The following CDH13 variants were observed in gnomAD, a reference collection of about 807,000 sequenced individuals.
CDH13 encodes the protein cadherin 13, also known as cadherin-13.
CDH13 carries 24 observed loss-of-function variants against 63.8 expected under a neutral mutation model. That is an observed-to-expected ratio of 0.38 (90% CI 0.27 to 0.53). The LOEUF (loss-of-function observed/expected upper bound fraction) is 0.53. Ranked by LOEUF, CDH13 falls within the 20% of genes least tolerant of loss-of-function variation. The pLI is 0.85. For missense variants in CDH13, 1,049 were observed against 903.1 expected, an observed-to-expected ratio of 1.16 and a Z score of -2.07; for synonymous variants, 503 against 355.3, an observed-to-expected ratio of 1.42 and a Z score of -4.67.
chr16:82,981,149 C>G (rs1910207741), intron 2 of CDH13, among the ~76,000 whole-genome samples: 1 of 152,196 alleles, frequency 6.6e-6, no homozygotes, highest in South Asian at 2.1e-4. Context: ...TATGAACTTT[C>G]ACTTAGTGAT....
intron 4 of CDH13, among the ~76,000 whole-genome samples, chr16:83,133,291 A>C (rs1365944700): frequency 6.6e-6 from 1 of 152,246 alleles, no homozygotes; most frequent in East Asian, 1.9e-4. Context: ...TTGGATTTCA[A>C]AAGCTTATCA....
chr16:83,676,897 C>T (rs1443557606), intron 9 of CDH13, among the ~76,000 whole-genome samples: 1 of 152,240 alleles, frequency 6.6e-6, no homozygotes, highest in Admixed American at 6.5e-5. Context: ...CAGCTCTTTC[C>T]CCAGCATCAA....
chr16:82,803,121 T>C (rs2036952083), intron 1 of CDH13, among the ~76,000 whole-genome samples: 1 of 152,236 alleles, frequency 6.6e-6, no homozygotes, highest in Admixed American at 6.5e-5. Flanking sequence ...TTAAAGTATT[T>C]GCTTTTAAGT....
intron 7 of CDH13, among the ~76,000 whole-genome samples, chr16:83,502,568 A>G (rs2074306402): frequency 6.6e-6 from 1 of 152,114 alleles, no homozygotes; most frequent in South Asian, 2.1e-4. Flanking sequence ...AATGGATGTA[A>G]CCTTTTTTAT....
intron 2 of CDH13, among the ~76,000 whole-genome samples, chr16:82,894,022 C>G (rs993859790): frequency 6.6e-6 from 1 of 152,148 alleles, no homozygotes; most frequent in Non-Finnish European, 1.5e-5. Context: ...TATTTTTTTA[C>G]TTCCTTAACA....
intron 3 of CDH13, among the ~76,000 whole-genome samples, chr16:83,108,197 C>T (rs1323131073): frequency 4.6e-5 from 7 of 152,118 alleles, no homozygotes; most frequent in Admixed American, 4.6e-4. Flanking sequence ...GAAGTATCCG[C>T]ATGATGCATC....
chr16:83,600,597 C>A (rs1192364412), intron 7 of CDH13, among the ~76,000 whole-genome samples: 1 of 152,120 alleles, frequency 6.6e-6, no homozygotes, highest in African/African-American at 2.4e-5. Flanking sequence ...TCCTTGCTTC[C>A]TGTGGTATTT....
At chr16:83,261,414 G>A (rs1906975660) in intron 5 of CDH13, among the ~76,000 whole-genome samples, 1 of 152,150 alleles carries the variant, frequency 6.6e-6, no homozygotes, top group South Asian at 2.1e-4. Flanking sequence ...AGCTGGGTTG[G>A]GGGGTTGGGG....
Position 82,704,103 on chromosome 16 carries a change from C to T in CDH13, c.45+76966C>T, listed in dbSNP as rs117075717. Among the ~76,000 whole-genome samples, 100 of 152,072 alleles carry T rather than the reference C, an allele frequency of 6.6e-4. 1 individual carries two copies. The highest frequency in any genetic ancestry group is 2.2e-3 in the African/African-American group (92 of 41,496). ...CCTTTGAAAAAGGCAGGTGGCGTGG[C>T]TTGAATGTTTCTAAACTCTAAAACT... On this transcript the variant is annotated intron_variant, in intron 1 of 13. Transcript: ENST00000567109.
At chr16:83,670,676 T>G in intron 8 of CDH13, 114 bp from the exon 9 acceptor site, 2 of 938,066 alleles carry the variant, frequency 2.1e-6, no homozygotes, top group Non-Finnish European at 3.3e-6. Context: ...AATCCTCTTA[T>G]GTTATTATTT....
At chr16:82,857,525 C>T (rs1159830665) in intron 1 of CDH13, among the ~76,000 whole-genome samples, 1 of 152,144 alleles carries the variant, frequency 6.6e-6, no homozygotes, top group Non-Finnish European at 1.5e-5. Context: ...AGGAGAGAAT[C>T]GTATACATCT....
chr16:83,283,529 T>C (rs2151858581), intron 5 of CDH13, among the ~76,000 whole-genome samples: 1 of 152,296 alleles, frequency 6.6e-6, no homozygotes, highest in South Asian at 2.1e-4. Context: ...AGGTGGAGTT[T>C]GCAGTGAGCC....
At chr16:83,392,065 G>A (rs188519567) in intron 6 of CDH13, among the ~76,000 whole-genome samples, 2 of 152,188 alleles carry the variant, frequency 1.3e-5, no homozygotes, top group Admixed American at 6.5e-5. Flanking sequence ...TAACACCCCC[G>A]ATTATTGTGA....
Position 83,795,715 on chromosome 16 carries a change from C to G in CDH13, c.*685C>G, listed in dbSNP as rs1001704296. Reference sequence around the variant, plus strand: ...GACTACAACCAATTTACACTGCCATCTGATGCCGTGATCCTGAGCCAAGGA... The same window carrying G: ...GACTACAACCAATTTACACTGCCATGTGATGCCGTGATCCTGAGCCAAGGA... On this transcript the variant is annotated 3_prime_UTR_variant, in exon 14 of 14. Coordinates refer to ENST00000567109, the MANE Select transcript of CDH13 (RefSeq NM_001257.5). 4.6e-5 allele frequency: 7 copies of G among 152,290 alleles called. No homozygotes were observed. The highest frequency in any genetic ancestry group is 7.2e-5 in the African/African-American group (3 of 41,444). 9.4% of individuals were successfully genotyped at this position (152,290 alleles called of 1,614,324 possible). A position where few individuals can be genotyped will look rare whatever the true frequency, so the allele number is the denominator to read the frequency against.
chr16:83,084,370 T>C (rs4238727), intron 3 of CDH13, among the ~76,000 whole-genome samples: 88,380 of 151,966 alleles, frequency 0.58, 27,293 homozygotes, highest in African/African-American at 0.79. Flanking sequence ...TCCAGAAGTA[T>C]TCATCTTCTC....
chr16:82,744,609 G>C (rs1001192082), intron 1 of CDH13, among the ~76,000 whole-genome samples: 2 of 152,046 alleles, frequency 1.3e-5, no homozygotes, highest in African/African-American at 4.8e-5. Flanking sequence ...CCAAGAAGGA[G>C]CTATAACAGG....
intron 3 of CDH13, among the ~76,000 whole-genome samples, chr16:83,093,135 A>G (rs1051251931): frequency 7.9e-5 from 12 of 152,058 alleles, no homozygotes; most frequent in African/African-American, 2.4e-4. Context: ...GTCTTTGCCT[A>G]TGTCTGCTAA....
chr16:83,413,491 T>C (rs2092156722), intron 6 of CDH13, among the ~76,000 whole-genome samples: 1 of 152,198 alleles, frequency 6.6e-6, no homozygotes, highest in Non-Finnish European at 1.5e-5. Flanking sequence ...ATAAATGGAA[T>C]GGAATAAATT....
At chr16:83,030,215 G>A (rs986255833) in intron 2 of CDH13, among the ~76,000 whole-genome samples, 2 of 152,242 alleles carry the variant, frequency 1.3e-5, no homozygotes, top group Non-Finnish European at 2.9e-5. Flanking sequence ...CAGCACCACT[G>A]CCTTCATTTT....
Sources: allele counts gnomAD v4.1 joint callset (sites outside exome capture counted in the v4.1 genomes callset), GRCh38; gene constraint gnomAD v4.1.1; transcripts MANE v1.5; gene names NCBI Gene and HGNC (gene_info 2026-07-23, HGNC 2026-07-21).